Variants in CEP120 observed in about 807,000 individuals in gnomAD.
CEP120 encodes centrosomal protein 120.
Under a neutral mutation model 126.5 loss-of-function variants are expected in CEP120, and 113 were observed. The observed-to-expected ratio is 0.89, with a 90% CI of 0.77 to 1.04. The LOEUF is 1.04. CEP120 is among the 50% of genes least tolerant of loss of function. The pLI is 0.00. For synonymous variants in CEP120, 400 were observed against 394.3 expected (o/e 1.01, Z -0.17); for missense variants, 1,230 against 1,155.7 (o/e 1.06, Z -0.93).
At chr5:123,385,619 GT>G (rs35110133) in intron 10 of CEP120, among the ~76,000 whole-genome samples, 61,180 of 140,432 alleles carry the variant, frequency 0.44, 12,344 homozygotes, top group East Asian at 0.46. Flanking sequence ...GACTATACCT[GT>G]TTTTTTTTTT....
chr5:123,365,742 A>C (rs1562011263), intron 17 of CEP120, among the ~76,000 whole-genome samples: 1 of 151,598 alleles, frequency 6.6e-6, no homozygotes, highest in South Asian at 2.1e-4. Context: ...ACTACTTGGT[A>C]ATTTAACAAG....
rs1358780626 is a variant in CEP120, at chr5:123,388,544, C to T, written c.1318G>A (p.Ala440Thr). 5 of 1,611,156 alleles carry T rather than the reference C, an allele frequency of 3.1e-6. No homozygotes were observed. Among genetic ancestry groups the T allele is most frequent in the Non-Finnish European group, 2.5e-6 (3 of 1,179,036 alleles). The change falls in exon 9 of 20, where the codon GCT (alanine) becomes ACT (threonine). Residue 440 changes from alanine (A) to threonine (T), a missense_variant. Physicochemically the swap from Ala to Thr is moderately conservative, Grantham distance 58 (BLOSUM62 0). Coordinates refer to ENST00000306467, the MANE Select transcript of CEP120 (RefSeq NM_001375405.1). The part of the protein sequence containing the change: ...LVTTSNASEV[A>T]SGQKIAVPAT... ...GGTACAGCAATCTTCTGTCCTGAAG[C>T]TACTTCTGAAGCATTGGATGTAGTC... is the stretch of plus-strand genomic sequence containing the variant.
At chr5:123,377,573 C>T in intron 15 of CEP120, 38 bp from the exon 16 acceptor site, 1 of 1,505,670 alleles carries the variant, frequency 6.6e-7, no homozygotes, top group Non-Finnish European at 9.0e-7. Context: ...TGGTTTATTG[C>T]TAGCTGCATT....
intron 8 of CEP120, 118 bp from the exon 9 acceptor site, chr5:123,388,724 G>T: frequency 2.7e-6 from 2 of 736,946 alleles, no homozygotes; most frequent in Non-Finnish European, 4.0e-6. Flanking sequence ...GGGCTATTTT[G>T]TCTCATGAAC....
intron 15 of CEP120, among the ~76,000 whole-genome samples, chr5:123,378,034 A>T (rs1375741570): frequency 6.6e-6 from 1 of 152,112 alleles, no homozygotes; most frequent in East Asian, 1.9e-4. Context: ...TTTTCATGAA[A>T]TATATAGAGC....
At chr5:123,350,202 A>T in intron 18 of CEP120, 113 bp from the exon 19 acceptor site, 1 of 899,350 alleles carries the variant, frequency 1.1e-6, no homozygotes, top group African/African-American at 2.0e-5. Flanking sequence ...ATAGCCACAC[A>T]CTGCCAATTC....
intron 16 of CEP120, among the ~76,000 whole-genome samples, chr5:123,372,983 T>C (rs1770955852): frequency 5.9e-5 from 9 of 152,096 alleles, no homozygotes; most frequent in Admixed American, 5.9e-4. Context: ...TTGAAGAGTA[T>C]GAAATTTCTT....
In CEP120 at chr5:123,423,020, G is replaced by C. The variant is rs772224185; in HGVS notation, c.-22C>G. The C allele has an allele frequency of 1.2e-6, 2 of 1,611,304 alleles. No homozygotes were observed. The highest frequency in any genetic ancestry group is 2.2e-5 in the South Asian group (2 of 91,036). ...CCATGGTTGCGGTGAGCGGTCCGGG[G>C]GCGAAGGCGGCTGGGGGGAAGTGAG... On this transcript the variant is annotated 5_prime_UTR_variant, in exon 1 of 20. Transcript: ENST00000306467.
rs186335259 is a variant in CEP120 at position 123,372,611 on chromosome 5, A to G, written c.2481+39T>C. 61 of 1,575,428 alleles carry G rather than the reference A, an allele frequency of 3.9e-5. 1 individual carries two copies. In the African/African-American group the frequency reaches 6.2e-4, roughly 16 times the overall value. The stretch of plus-strand genomic sequence containing the variant: ...TATTGATTGATTTTATAAATTAATC[A>G]CTGGGACTAGTTAAACTGCACAAAA... On this transcript the variant is annotated intron_variant, in intron 17 of 19. Coordinates refer to ENST00000306467, the MANE Select transcript of CEP120 (RefSeq NM_001375405.1).
At chr5:123,370,869 G>A (rs1770808312) in intron 17 of CEP120, among the ~76,000 whole-genome samples, 1 of 151,442 alleles carries the variant, frequency 6.6e-6, no homozygotes, top group South Asian at 2.1e-4. Context: ...GCTTCCCAAA[G>A]TGCTGGAATT....
At position 123,391,182 on chromosome 5, in the gene CEP120, T is replaced by C; in HGVS notation, c.966A>G (p.Ala322=). ...TTGGGGCTAGCTCCACAGGAATAGG[T>C]GCAAGCTTCTGTTTGGCTCTGTTTG... ...DPPNRAKQKL[A]PIPVELAPTV... The change falls in exon 7 of 20, where the codon GCA becomes GCG. Residue 322 remains alanine, a synonymous_variant. Transcript: ENST00000306467. 1 of 1,614,088 alleles carries C rather than the reference T, an allele frequency of 6.2e-7. No individual in the cohort carries two copies. The highest frequency in any genetic ancestry group is 8.5e-7 in the Non-Finnish European group (1 of 1,180,032).
chr5:123,358,335 G>A (rs1317049423), intron 18 of CEP120: 2 of 152,088 alleles, frequency 1.3e-5, no homozygotes, highest in Non-Finnish European at 2.9e-5. Context: ...CTTAAACCAG[G>A]AGGCAGGTGG....
intron 18 of CEP120, among the ~76,000 whole-genome samples, chr5:123,359,077 G>T (rs868143296): frequency 6.6e-6 from 1 of 152,006 alleles, no homozygotes; most frequent in African/African-American, 2.4e-5. Context: ...CCCATGCTTG[G>T]CTAAATTACT....
chr5:123,395,683 T>C (rs1349895476), intron 5 of CEP120, among the ~76,000 whole-genome samples: 1 of 45,614 alleles, frequency 2.2e-5, no homozygotes, highest in Non-Finnish European at 4.6e-5. Context: ...CTTCATTCCT[T>C]TTTTTTTTTT....
At chr5:123,417,989 A>G (rs1774485725) in intron 2 of CEP120, among the ~76,000 whole-genome samples, 1 of 152,250 alleles carries the variant, frequency 6.6e-6, no homozygotes, top group Non-Finnish European at 1.5e-5. Context: ...TAATTATTAA[A>G]CGTAATGACA....
At chr5:123,387,252 G>A (rs536125004) in intron 9 of CEP120, among the ~76,000 whole-genome samples, 14 of 152,106 alleles carry the variant, frequency 9.2e-5, no homozygotes, top group Non-Finnish European at 2.1e-4. Flanking sequence ...TCATATATGA[G>A]AACTAAAATT....
chr5:123,380,580 G>A (rs891719039), intron 14 of CEP120, among the ~76,000 whole-genome samples: 2 of 152,042 alleles, frequency 1.3e-5, no homozygotes, highest in South Asian at 2.1e-4. Flanking sequence ...ATTACTTGGT[G>A]AGTTTTCACA....
At chr5:123,408,381 T>C (rs1404811836) in intron 4 of CEP120, among the ~76,000 whole-genome samples, 1 of 133,414 alleles carries the variant, frequency 7.5e-6, no homozygotes, top group Non-Finnish European at 1.6e-5. Flanking sequence ...CCAGGCTCAA[T>C]AAGAAAAAAA....
Position 123,380,709 on chromosome 5 carries a change from T to G in CEP120, c.2103+1402A>C, listed in dbSNP as rs13356438. On this transcript the variant is annotated intron_variant, in intron 14 of 19. Transcript: ENST00000306467. The stretch of plus-strand genomic sequence containing the variant: ...AATACTAAAATACTCTTCAACACAA[T>G]GAAGAGAAATGATTCAAGGATAAAC... Among the ~76,000 whole-genome samples the G allele has an allele frequency of 2.6e-3, 391 of 152,150 alleles. 4 individuals are homozygous for G. Among genetic ancestry groups the G allele is most frequent in the African/African-American group, 8.9e-3 (369 of 41,544 alleles).
Sources: gnomAD v4.1 joint callset for allele counts (sites outside exome capture counted in the v4.1 genomes callset) on GRCh38, gnomAD v4.1.1 for gene constraint, MANE v1.5 for transcripts, NCBI Gene and HGNC (gene_info 2026-07-23, HGNC 2026-07-21) for gene names.